Variants in CYB561A3 observed in about 807,000 individuals in gnomAD.
The protein encoded by CYB561A3 is cytochrome b561 family member A3.
CYB561A3 carries 16 observed loss-of-function variants against 25.3 expected under a neutral mutation model. The observed-to-expected ratio is 0.63, with a 90% CI of 0.43 to 0.96. The LOEUF is 0.96. CYB561A3 is among the 40% of genes least tolerant of loss of function. CYB561A3 has a pLI of 0.00. For synonymous variants in CYB561A3, 131 were observed against 129.9 expected, an observed-to-expected ratio of 1.01 and a Z score of -0.06; for missense variants, 219 against 307.5, an observed-to-expected ratio of 0.71 and a Z score of 2.15.
chr11:61,354,323 A>T (rs951065560), intron 3 of CYB561A3: 6 of 335,734 alleles, frequency 1.8e-5, no homozygotes, highest in Non-Finnish European at 1.1e-5. Context: ...TGCCACTGCA[A>T]TCTAGCCTGG....
At chr11:61,351,284 C>CTTTTTT (rs909648792) in intron 5 of CYB561A3, 137 bp from the exon 6 acceptor site, 64 of 293,446 alleles carry the variant, frequency 2.2e-4, no homozygotes, top group African/African-American at 1.1e-3. Flanking sequence ...AACACCCTTT[C>CTTTTTT]TTTTTTTTTT....
At chr11:61,354,416 G>T in intron 3 of CYB561A3, 1 of 185,792 alleles carries the variant, frequency 5.4e-6, no homozygotes, top group South Asian at 1.1e-4. Flanking sequence ...TCAGCACTTT[G>T]GGAGGCCAGA....
In CYB561A3 at chr11:61,349,435, T is replaced by C. The variant is rs1302879366; in HGVS notation, c.*964A>G. 12 of 660,006 alleles carry C rather than the reference T, an allele frequency of 1.8e-5. 1 individual carries two copies. The highest frequency in any genetic ancestry group is 3.3e-5 in the South Asian group (2 of 60,958). 40.9% of individuals were successfully genotyped at this position (660,006 alleles called of 1,614,324 possible). A position where few individuals can be genotyped will look rare whatever the true frequency, so the allele number is the denominator to read the frequency against. ...CCTGCCAAGAGAGCAAGGCCAGACC[T>C]GCCCAGCGGGAGGCAGGAAGGCCCT... On this transcript the variant is annotated 3_prime_UTR_variant, in exon 7 of 7. Coordinates refer to ENST00000294072, the MANE Select transcript of CYB561A3 (RefSeq NM_153611.6).
chr11:61,351,359 G>A (rs938820898), intron 5 of CYB561A3: 50 of 415,326 alleles, frequency 1.2e-4, no homozygotes, highest in Middle Eastern at 1.4e-3. Flanking sequence ...GCACGATCTC[G>A]GCTCACTGCA....
chr11:61,353,331 T>C, intron 4 of CYB561A3, 192 bp from the exon 5 acceptor site: 1 of 720,574 alleles, frequency 1.4e-6, no homozygotes, highest in Admixed American at 2.9e-5. Flanking sequence ...GAACAGTAAA[T>C]GACATGCTTA....
chr11:61,354,323 A>G (rs951065560), intron 3 of CYB561A3: 8 of 335,734 alleles, frequency 2.4e-5, no homozygotes, highest in African/African-American at 1.7e-4. Flanking sequence ...TGCCACTGCA[A>G]TCTAGCCTGG....
Position 61,357,596 on chromosome 11 carries a change from C to T in CYB561A3, c.-16+137G>A, listed in dbSNP as rs1857695269. The stretch of plus-strand genomic sequence containing the variant: ...AGCTAATATGTAGGCAGCACGGGCC[C>T]AGGCATCAAGGCAGTCACCCTGTCC... On this transcript the variant is annotated intron_variant, in intron 2 of 6. Coordinates refer to ENST00000294072, the MANE Select transcript of CYB561A3 (RefSeq NM_153611.6). 4 of 205,008 alleles carry T rather than the reference C, an allele frequency of 2.0e-5. No individual in the cohort carries two copies. In the South Asian group the frequency reaches 3.0e-4, roughly 15 times the overall value. 12.7% of individuals were successfully genotyped at this position (205,008 alleles called of 1,614,324 possible).
In CYB561A3 at chr11:61,350,322, G is replaced by A; in HGVS notation, c.*77C>T. 1 of 1,559,308 alleles carries A rather than the reference G, an allele frequency of 6.4e-7. No individual in the cohort carries two copies. The highest frequency in any genetic ancestry group is 1.2e-5 in the South Asian group (1 of 85,300). ...AGTCGCCTGCTGAAACCAGCCGGGA[G>A]CCCTGGGAAGAGCAGAGCTTCTGAG... On this transcript the variant is annotated 3_prime_UTR_variant, in exon 7 of 7. Transcript: ENST00000294072.
Position 61,356,726 on chromosome 11 carries a change from CT to C in CYB561A3, c.-14del. The C allele has an allele frequency of 6.2e-7, 1 of 1,612,888 alleles. No homozygotes were observed. Among genetic ancestry groups the C allele is most frequent in the Non-Finnish European group, 8.5e-7 (1 of 1,179,106 alleles). On this transcript the variant is annotated splice_region_variant and 5_prime_UTR_variant, in exon 3 of 7. Transcript: ENST00000294072. ...GTCCAGACACCATTCTGATCACGCA[CT>C]CCTAGAAGAAGGAGAAGTCACAAAT...
At chr11:61,356,483 G>T in intron 3 of CYB561A3, 47 bp downstream of exon 3, 1 of 1,542,252 alleles carries the variant, frequency 6.5e-7, no homozygotes, top group Non-Finnish European at 8.8e-7. Flanking sequence ...GTGCAGCTTT[G>T]TCCAGCCTGA....
intron 3 of CYB561A3, 101 bp downstream of exon 3, chr11:61,356,429 G>T: frequency 8.6e-5 from 50 of 579,496 alleles, no homozygotes; most frequent in Non-Finnish European, 1.3e-4. Flanking sequence ...TACCCCCATA[G>T]CCCCAAGCCC....
intron 2 of CYB561A3, chr11:61,357,520 G>C: frequency 2.6e-6 from 1 of 382,278 alleles, no homozygotes; most frequent in Non-Finnish European, 4.8e-6. Context: ...CTGAGCAGTT[G>C]CTCTTAAACG....
At chr11:61,357,232 T>C in intron 2 of CYB561A3, 1 of 1,551,298 alleles carries the variant, frequency 6.4e-7, no homozygotes, top group South Asian at 1.2e-5. Context: ...GAAAAGTTCT[T>C]CCCCATAGAG....
Position 61,350,367 on chromosome 11 carries a change from C to T in CYB561A3, c.*32G>A, listed in dbSNP as rs1168026692. 6.2e-7 allele frequency: 1 copy of T among 1,604,892 alleles called. No homozygotes were observed. Among genetic ancestry groups the T allele is most frequent in the East Asian group, 2.2e-5 (1 of 44,622 alleles). On this transcript the variant is annotated 3_prime_UTR_variant, in exon 7 of 7. Coordinates refer to ENST00000294072, the MANE Select transcript of CYB561A3 (RefSeq NM_153611.6). ...TCTGAGGGGAGCACAGGCTGCACCA[C>T]CAGGAGCTCTTGGGAGCCCCTTCCT...
rs953856775 is a variant in CYB561A3 at position 61,349,511 on chromosome 11, C to G, written c.*888G>C. The G allele has an allele frequency of 2.8e-6, 2 of 702,118 alleles. No individual in the cohort carries two copies. Among genetic ancestry groups the G allele is most frequent in the Non-Finnish European group, 5.2e-6 (2 of 384,482 alleles). 43.5% of individuals were successfully genotyped at this position (702,118 alleles called of 1,614,324 possible). A position where few individuals can be genotyped will look rare whatever the true frequency, so the allele number is the denominator to read the frequency against. On this transcript the variant is annotated 3_prime_UTR_variant, in exon 7 of 7. Coordinates refer to ENST00000294072, the MANE Select transcript of CYB561A3 (RefSeq NM_153611.6). ...GTCCACAGCCACCTCTGTTACTCAT[C>G]GCTACTGGGACATCTGGGGACAGGC...
Position 61,349,500 on chromosome 11 carries a change from C to G in CYB561A3, c.*899G>C. ...AAGTAGAGGAAGTCCACAGCCACCT[C>G]TGTTACTCATCGCTACTGGGACATC... On this transcript the variant is annotated 3_prime_UTR_variant, in exon 7 of 7. Transcript: ENST00000294072. 2.9e-6 allele frequency: 2 copies of G among 701,498 alleles called. No homozygotes were observed. The highest frequency in any genetic ancestry group is 2.6e-6 in the Non-Finnish European group (1 of 383,938). The allele number at this position is 701,498 out of a possible 1,614,324, so 43.5% of individuals were successfully genotyped here. A position where few individuals can be genotyped will look rare whatever the true frequency, so the allele number is the denominator to read the frequency against.
chr11:61,352,130 C>T (rs1312978532), intron 5 of CYB561A3: 2 of 152,168 alleles, frequency 1.3e-5, no homozygotes, highest in Admixed American at 1.3e-4. Flanking sequence ...AAGATCGAAA[C>T]CAAGGTCTGA....
chr11:61,350,038 G>A lies in CYB561A3; in HGVS notation c.*361C>T, dbSNP rs1857324016. The A allele has an allele frequency of 8.0e-6, 4 of 498,544 alleles. No homozygotes were observed. Among genetic ancestry groups the A allele is most frequent in the Non-Finnish European group, 1.5e-5 (4 of 274,486 alleles). The allele number at this position is 498,544 out of a possible 1,614,324, so 30.9% of individuals were successfully genotyped here. On this transcript the variant is annotated 3_prime_UTR_variant, in exon 7 of 7. Transcript: ENST00000294072. ...GGCCAGAGCGAGGAGGACCTCGTGT[G>A]AATGGAGGACCTGAGAGGCTGACGC...
At chr11:61,357,394 AAG>A in intron 2 of CYB561A3, 1 of 608,422 alleles carries the variant, frequency 1.6e-6, no homozygotes, top group Non-Finnish European at 2.8e-6. Context: ...CAGAGAAAAA[AAG>A]AGGAAGCAAC....
Sources: allele counts gnomAD v4.1 joint callset, GRCh38; gene constraint gnomAD v4.1.1; transcripts MANE v1.5; gene names NCBI Gene and HGNC (gene_info 2026-07-23, HGNC 2026-07-21).